Variants in KLHL13 observed in about 807,000 individuals in gnomAD.
KLHL13 encodes kelch-like protein 13.
KLHL13 carries 10 observed loss-of-function variants against 37.1 expected under a neutral mutation model. That is an observed-to-expected ratio of 0.27 (90% CI 0.17 to 0.46). The LOEUF (loss-of-function observed/expected upper bound fraction) is 0.46. Among genes scored for constraint, KLHL13 ranks in the 20% least tolerant of loss-of-function variants. The pLI is 1.00. For synonymous variants in KLHL13, 163 were observed against 181.2 expected (o/e 0.90, Z 0.81); for missense variants, 360 against 509.3 (o/e 0.71, Z 2.82).
At chrX:117,912,118 C>T (rs1366468644) in intron 4 of KLHL13, among the ~76,000 whole-genome samples, 1 of 111,469 alleles carries the variant, frequency 9.0e-6, no homozygotes, top group Non-Finnish European at 1.9e-5. Flanking sequence ...TCCCAATTCA[C>T]CCTGAGTGGA....
At chrX:117,986,926 C>G (rs947319950) in intron 1 of KLHL13, among the ~76,000 whole-genome samples, 1 of 111,532 alleles carries the variant, frequency 9.0e-6, no homozygotes, top group Admixed American at 9.6e-5. Flanking sequence ...AAGGTCAGAG[C>G]CTCAGAGTAA....
intron 1 of KLHL13, among the ~76,000 whole-genome samples, chrX:118,028,924 G>T (rs943016094): frequency 1.6e-4 from 18 of 111,808 alleles, no homozygotes; most frequent in African/African-American, 5.8e-4. Context: ...ACACTATCCT[G>T]CTGCACCTCA....
At chrX:117,989,358 A>T (rs2053762070) in intron 1 of KLHL13, among the ~76,000 whole-genome samples, 1 of 110,508 alleles carries the variant, frequency 9.0e-6, no homozygotes, top group African/African-American at 3.3e-5. Context: ...GAAAACAATA[A>T]GCCAGGTCTC....
intron 1 of KLHL13, among the ~76,000 whole-genome samples, chrX:118,076,971 T>C (rs982714015): frequency 2.5e-4 from 27 of 108,752 alleles, no homozygotes; most frequent in Non-Finnish European, 9.6e-5. Context: ...AATCTCCTAA[T>C]GGTTCCGTTT....
intron 1 of KLHL13, among the ~76,000 whole-genome samples, chrX:118,047,991 C>T (rs2054576669): frequency 9.0e-6 from 1 of 111,141 alleles, no homozygotes; most frequent in African/African-American, 3.3e-5. Flanking sequence ...GAAATGACAA[C>T]TTAGTGTAGT....
intron 1 of KLHL13, among the ~76,000 whole-genome samples, chrX:118,020,504 G>C (rs2054191963): frequency 9.0e-6 from 1 of 110,901 alleles, no homozygotes; most frequent in Non-Finnish European, 1.9e-5. Flanking sequence ...AGGTGCTGGA[G>C]AGGATGTGGA....
chrX:118,021,115 C>A (rs2054203454), intron 1 of KLHL13, among the ~76,000 whole-genome samples: 1 of 106,126 alleles, frequency 9.4e-6, no homozygotes, highest in Non-Finnish European at 1.9e-5. Context: ...ACATTGTGCA[C>A]ATGTACCCTA....
chrX:118,078,720 A>T (rs1569310738), intron 1 of KLHL13, among the ~76,000 whole-genome samples: 2 of 111,806 alleles, frequency 1.8e-5, no homozygotes, highest in Non-Finnish European at 3.8e-5. Flanking sequence ...AGCTACCATA[A>T]ACATTTGTAT....
chrX:118,027,642 C>CACACAT (rs1491324511), intron 1 of KLHL13, among the ~76,000 whole-genome samples: 1 of 101,812 alleles, frequency 9.8e-6, no homozygotes, highest in African/African-American at 4.0e-5. Flanking sequence ...TCTCTCTCTC[C>CACACAT]ACACATACAC....
intron 1 of KLHL13, among the ~76,000 whole-genome samples, chrX:118,053,842 A>AGGGGAG (rs1199177975): frequency 5.3e-5 from 2 of 37,594 alleles, no homozygotes; most frequent in African/African-American, 2.6e-4. Flanking sequence ...AGAGAGAGAG[A>AGGGGAG]GAGAGAGGAG....
At chrX:118,106,452 T>C (rs181954673) in intron 1 of KLHL13, among the ~76,000 whole-genome samples, 41 of 111,921 alleles carry the variant, frequency 3.7e-4, no homozygotes, top group Non-Finnish European at 7.1e-4. Flanking sequence ...AAAAAATATA[T>C]AAATTTGAAT....
At chrX:117,944,629 A>G (rs1933228661) in intron 2 of KLHL13, among the ~76,000 whole-genome samples, 1 of 111,567 alleles carries the variant, frequency 9.0e-6, no homozygotes, top group Admixed American at 9.5e-5. Context: ...GCATTTAGAA[A>G]GGCAAATTTT....
chrX:118,067,129 T>C (rs1455011804), intron 1 of KLHL13, among the ~76,000 whole-genome samples: 2 of 112,207 alleles, frequency 1.8e-5, no homozygotes, highest in African/African-American at 3.2e-5. Context: ...TTATACGGTA[T>C]AGCCTATTGT....
intron 1 of KLHL13, among the ~76,000 whole-genome samples, chrX:118,107,395 T>C (rs1281558977): frequency 2.7e-5 from 3 of 111,537 alleles, no homozygotes; most frequent in Non-Finnish European, 5.6e-5. Flanking sequence ...ATTCGAAAAA[T>C]AGCATTCCAG....
chrX:117,960,221 CA>C (rs950712149), intron 1 of KLHL13, among the ~76,000 whole-genome samples: 22 of 107,498 alleles, frequency 2.0e-4, no homozygotes, highest in Middle Eastern at 4.8e-3. Flanking sequence ...CCTGTCTCTA[CA>C]AAAAAAAAGT....
At chrX:117,932,659 GAACACT>G (rs1380564513) in intron 2 of KLHL13, among the ~76,000 whole-genome samples, 1 of 111,544 alleles carries the variant, frequency 9.0e-6, no homozygotes, top group Admixed American at 9.5e-5. Context: ...TAGCTATTGT[GAACACT>G]ACTGCAATAA....
At chrX:118,090,730 G>A (rs1176549877) in intron 1 of KLHL13, among the ~76,000 whole-genome samples, 1 of 109,179 alleles carries the variant, frequency 9.2e-6, no homozygotes, top group African/African-American at 3.3e-5. Flanking sequence ...CGATTCCTCA[G>A]GGATCTAGAA....
intron 4 of KLHL13, among the ~76,000 whole-genome samples, chrX:117,910,697 A>G (rs755923259): frequency 3.6e-5 from 4 of 111,971 alleles, no homozygotes; most frequent in Non-Finnish European, 7.5e-5. Context: ...TTAATTTTCA[A>G]CATTATTTAT....
At chrX:118,055,750 C>T (rs1236499172) in intron 1 of KLHL13, among the ~76,000 whole-genome samples, 3 of 111,720 alleles carry the variant, frequency 2.7e-5, no homozygotes, top group African/African-American at 9.8e-5. Context: ...AGACCCTCAG[C>T]TCTAAGAAAG....
Sources: gnomAD v4.1 joint callset for allele counts (sites outside exome capture counted in the v4.1 genomes callset) on GRCh38, gnomAD v4.1.1 for gene constraint, MANE v1.5 for transcripts, NCBI Gene and HGNC (gene_info 2026-07-23, HGNC 2026-07-21) for gene names.